Variants in RREB1 observed in about 807,000 individuals in gnomAD.
The protein encoded by RREB1 is ras responsive element binding protein 1, also known as ras-responsive element-binding protein 1.
In RREB1, 27 loss-of-function variants were observed where a neutral mutation model predicts 117.8. The observed-to-expected ratio is 0.23, with a 90% CI of 0.17 to 0.32. RREB1 has a LOEUF of 0.32. Ranked by LOEUF, RREB1 falls within the 10% of genes least tolerant of loss-of-function variation. The pLI is 1.00. For synonymous variants in RREB1, 1,298 were observed against 1,026.7 expected, an observed-to-expected ratio of 1.26 and a Z score of -5.05; for missense variants, 2,577 against 2,378.2, an observed-to-expected ratio of 1.08 and a Z score of -1.74.
In RREB1 at chr6:7,142,220, T is replaced by TAA. The variant is rs34787582; in HGVS notation, c.-285+34173_-285+34174dup. Among the ~76,000 whole-genome samples the TAA allele has an allele frequency of 2.4e-3, 342 of 141,078 alleles. 3 individuals carry two copies. The highest frequency in any genetic ancestry group is 7.5e-3 in the African/African-American group (287 of 38,490). The allele number at this position is 141,078 out of a possible 152,430, so 92.6% of individuals were successfully genotyped here. ...ACAAGAGTGAAACTCCGTCTTAATTTAAAAAAAAAAAAAAGGCTATTTTCT... is the reference window on the plus strand; with the variant it reads ...ACAAGAGTGAAACTCCGTCTTAATTTAAAAAAAAAAAAAAAAGGCTATTTTCT... On this transcript the variant is annotated intron_variant, in intron 1 of 12. Transcript: ENST00000379938.
chr6:7,240,663 T>G, intron 11 of RREB1, 61 bp downstream of exon 11: 1 of 1,520,416 alleles, frequency 6.6e-7, no homozygotes, highest in Admixed American at 1.8e-5. Context: ...CGGTTAAGAA[T>G]TGTAGCAAAC....
chr6:7,241,614 T>C (rs1264336720), intron 11 of RREB1, among the ~76,000 whole-genome samples: 1 of 152,136 alleles, frequency 6.6e-6, no homozygotes, highest in Non-Finnish European at 1.5e-5. Flanking sequence ...CAGGAGTCAG[T>C]GTGGAAGAGG....
chr6:7,149,872 A>G (rs924147673), intron 1 of RREB1, among the ~76,000 whole-genome samples: 1 of 152,066 alleles, frequency 6.6e-6, no homozygotes, highest in Non-Finnish European at 1.5e-5. Context: ...TATTTTTAGT[A>G]GAGACGGGGT....
intron 1 of RREB1, among the ~76,000 whole-genome samples, chr6:7,168,410 C>T (rs1462061796): frequency 1.3e-5 from 2 of 152,166 alleles, no homozygotes. Flanking sequence ...AGTGCAGAAT[C>T]TGGAAGTCAG....
At chr6:7,126,561 G>GCCCGGCCTCGATTCCCCCCCGA (rs1303587125) in intron 1 of RREB1, among the ~76,000 whole-genome samples, 1 of 152,238 alleles carries the variant, frequency 6.6e-6, no homozygotes, top group African/African-American at 2.4e-5. Flanking sequence ...GAGCCACTGT[G>GCCCGGCCTCGATTCCCCCCCGA]CTGGCAGGAC....
chr6:7,245,616 T>C (rs1052401140), intron 11 of RREB1, among the ~76,000 whole-genome samples: 17 of 152,150 alleles, frequency 1.1e-4, no homozygotes, highest in African/African-American at 4.1e-4. Context: ...ACATACAGTT[T>C]TACTGGGTGG....
In RREB1 at chr6:7,249,733, T is replaced by A. The variant is rs767451921; in HGVS notation, c.*765T>A. On this transcript the variant is annotated 3_prime_UTR_variant, in exon 13 of 13. Coordinates refer to ENST00000379938, the MANE Select transcript of RREB1 (RefSeq NM_001003699.4). Reference sequence around the variant, plus strand: ...GTTACTCCCCTGGCGTCTTAACCTATGGAAAACATGCACGGATAGGATATA... The same window carrying A: ...GTTACTCCCCTGGCGTCTTAACCTAAGGAAAACATGCACGGATAGGATATA... 1.3e-5 allele frequency: 2 copies of A among 152,112 alleles called. No individual in the cohort carries two copies. Among genetic ancestry groups the A allele is most frequent in the African/African-American group, 4.8e-5 (2 of 41,418 alleles). 9.4% of individuals were successfully genotyped at this position (152,112 alleles called of 1,614,324 possible). A position where few individuals can be genotyped will look rare whatever the true frequency, so the allele number is the denominator to read the frequency against.
At position 7,250,805 on chromosome 6, in the gene RREB1, G is replaced by A. The variant is rs763897202; in HGVS notation, c.*1837G>A. 7 of 151,954 alleles carry A rather than the reference G, an allele frequency of 4.6e-5. No homozygotes were observed. Among genetic ancestry groups the A allele is most frequent in the African/African-American group, 7.3e-5 (3 of 41,378 alleles). The allele number at this position is 151,954 out of a possible 1,614,324, so 9.4% of individuals were successfully genotyped here. A position where few individuals can be genotyped will look rare whatever the true frequency, so the allele number is the denominator to read the frequency against. On this transcript the variant is annotated 3_prime_UTR_variant, in exon 13 of 13. Coordinates refer to ENST00000379938, the MANE Select transcript of RREB1 (RefSeq NM_001003699.4). ...AATGAAAAGTGATATCTTCGCATAC[G>A]AAAGGAAAAAAGGTTGAGGTATATA...
At chr6:7,161,057 T>G (rs950972086) in intron 1 of RREB1, among the ~76,000 whole-genome samples, 4 of 152,126 alleles carry the variant, frequency 2.6e-5, no homozygotes, top group Non-Finnish European at 5.9e-5. Flanking sequence ...TCTCGAACTC[T>G]AGGGCCAAAC....
chr6:7,158,905 AAC>A, intron 1 of RREB1, among the ~76,000 whole-genome samples: 1 of 152,066 alleles, frequency 6.6e-6, no homozygotes. Flanking sequence ...GCCAGGAAAA[AAC>A]TGATTAGTTT....
intron 8 of RREB1, chr6:7,216,136 A>G (rs1007478231): frequency 1.3e-5 from 2 of 152,272 alleles, no homozygotes; most frequent in Non-Finnish European, 2.9e-5. Flanking sequence ...ACTGTGTGCC[A>G]GGCACTTGCC....
At chr6:7,108,956 C>A (rs1760989756) in intron 1 of RREB1, among the ~76,000 whole-genome samples, 1 of 150,446 alleles carries the variant, frequency 6.6e-6, no homozygotes, top group Non-Finnish European at 1.5e-5. Context: ...ATTGTTCCCT[C>A]GCCCTTCCGT....
At chr6:7,209,911 C>T (rs1197695231) in intron 6 of RREB1, among the ~76,000 whole-genome samples, 5 of 152,234 alleles carry the variant, frequency 3.3e-5, no homozygotes, top group South Asian at 2.1e-4. Flanking sequence ...AGTTCAACCA[C>T]GGCTACGTGA....
At position 7,240,563 on chromosome 6, in the gene RREB1, C is replaced by T. The variant is rs1458794197; in HGVS notation, c.3934C>T (p.Gln1312Ter). 3 of 1,613,788 alleles carry T rather than the reference C, an allele frequency of 1.9e-6. 1 individual carries two copies. The Admixed American group carries it at 5.0e-5, about 27-fold the overall frequency. The change falls in exon 11 of 13, where the codon CAG (glutamine) becomes TAG (stop). Residue 1312 changes from glutamine to a stop codon, truncating the protein, a stop_gained. Transcript: ENST00000379938. LOFTEE classifies it high-confidence loss of function. The part of the protein sequence containing the change: ...CSLRRNGLIP[Q>*]SKESDVGSHD... The stretch of plus-strand genomic sequence containing the variant: ...CCTGAGAAGAAACGGGCTTATCCCC[C>T]AGTCAAAAGAGAGTGATGTTGGATC...
At chr6:7,211,913 A>G (rs370761358) in intron 8 of RREB1, 10 of 584,936 alleles carry the variant, frequency 1.7e-5, no homozygotes, top group Non-Finnish European at 2.4e-5. Context: ...GGGTGTTCAC[A>G]TGGTTCACTG....
At position 7,231,523 on chromosome 6, in the gene RREB1, A is replaced by T. The variant is rs1158946342; in HGVS notation, c.3424A>T (p.Thr1142Ser). 1 of 1,608,168 alleles carries T rather than the reference A, an allele frequency of 6.2e-7. No individual in the cohort carries two copies. Among genetic ancestry groups the T allele is most frequent in the Non-Finnish European group, 8.5e-7 (1 of 1,177,406 alleles). ...PASSPEAASPTEQGPAGTSKK... is the reference protein window; with the variant it reads ...PASSPEAASPSEQGPAGTSKK... ...CAGCAGCCCAGAGGCTGCCTCTCCC[A>T]CCGAGCAGGGCCCAGCGGGCACGTC... Residue 1142 changes from threonine (T) to serine (S), a missense_variant, in exon 10 of 13, where the codon ACC (threonine) becomes TCC (serine). By Grantham distance (58) the Thr-to-Ser change is moderately conservative. Transcript: ENST00000379938.
intron 6 of RREB1, among the ~76,000 whole-genome samples, chr6:7,190,556 G>A (rs1444326582): frequency 2.0e-5 from 3 of 152,086 alleles, no homozygotes; most frequent in Non-Finnish European, 4.4e-5. Flanking sequence ...TTTACAAAGT[G>A]TTTTGCTTTT....
chr6:7,211,776 G>C, intron 8 of RREB1, 67 bp downstream of exon 8: 1 of 1,532,826 alleles, frequency 6.5e-7, no homozygotes, highest in Non-Finnish European at 9.0e-7. Context: ...ATGTTCTTAA[G>C]TCCCGTTACT....
chr6:7,182,673 G>A (rs184647469), intron 4 of RREB1, among the ~76,000 whole-genome samples: 45 of 152,290 alleles, frequency 3.0e-4, no homozygotes, highest in African/African-American at 9.6e-4. Flanking sequence ...AATCTTCAAT[G>A]TAAGATGGGA....
Sources: allele counts gnomAD v4.1 joint callset (sites outside exome capture counted in the v4.1 genomes callset), GRCh38; gene constraint gnomAD v4.1.1; transcripts MANE v1.5; gene names NCBI Gene and HGNC (gene_info 2026-07-23, HGNC 2026-07-21).